The following FBXO34 variants were observed in gnomAD, a reference collection of about 807,000 sequenced individuals.
The protein encoded by FBXO34 is F-box protein 34.
FBXO34 carries 12 observed loss-of-function variants against 24.5 expected under a neutral mutation model. The ratio of observed to expected loss-of-function variants is 0.49; its 90% confidence interval spans 0.31 to 0.79. The LOEUF (loss-of-function observed/expected upper bound fraction) is 0.79, where lower values mean the gene tolerates loss of function less well. FBXO34 is among the 30% of genes least tolerant of loss of function. The probability of loss-of-function intolerance (pLI) is 0.04; values close to 1 mark genes in which losing one functional copy is unlikely to be tolerated. For missense variants in FBXO34, 823 were observed against 857.7 expected, an observed-to-expected ratio of 0.96 and a Z score of 0.51; for synonymous variants, 320 against 311.9, an observed-to-expected ratio of 1.03 and a Z score of -0.27.
At chr14:55,305,223 C>A (rs190354172) in intron 1 of FBXO34, among the ~76,000 whole-genome samples, 29 of 152,234 alleles carry the variant, frequency 1.9e-4, no homozygotes, top group African/African-American at 7.0e-4. Context: ...CCATCCTGGC[C>A]AACATGGGTG....
chr14:55,413,484 G>A, the FBXO34 span: 1 of 217,452 alleles, frequency 4.6e-6, no homozygotes, highest in African/African-American at 2.3e-5. Context: ...ATTTCTTTAA[G>A]GGGAGGGGGC....
At chr14:55,382,163 C>G in the FBXO34 span, 1 of 1,614,120 alleles carries the variant, frequency 6.2e-7, no homozygotes, top group Non-Finnish European at 8.5e-7. Context: ...ATGGCACTGT[C>G]ACTCTCTGAA....
chr14:55,285,782 C>G (rs190033142), intron 1 of FBXO34, among the ~76,000 whole-genome samples: 157 of 152,280 alleles, frequency 1.0e-3, no homozygotes, highest in African/African-American at 3.5e-3. Context: ...ACTTGTTGAA[C>G]TGAACACTTG....
intron 1 of FBXO34, chr14:55,339,402 A>G (rs1487419619): frequency 3.3e-5 from 4 of 120,996 alleles, no homozygotes; most frequent in Non-Finnish European, 6.6e-5. Flanking sequence ...TCCTGGATCT[A>G]TGCTAACCTG....
chr14:55,383,706 A>G, the FBXO34 span, among the ~76,000 whole-genome samples: 4 of 151,994 alleles, frequency 2.6e-5, no homozygotes, highest in African/African-American at 7.2e-5. Context: ...GAATGGTGCT[A>G]TAATCATACC....
the FBXO34 span, among the ~76,000 whole-genome samples, chr14:55,412,253 A>G: frequency 6.6e-6 from 1 of 152,182 alleles, no homozygotes; most frequent in Non-Finnish European, 1.5e-5. Flanking sequence ...AACTAGGTTG[A>G]ATTTTGGCTC....
intron 1 of FBXO34, among the ~76,000 whole-genome samples, chr14:55,316,520 A>T (rs1026804251): frequency 6.7e-6 from 1 of 149,832 alleles, no homozygotes. Context: ...TGAGCTCAGG[A>T]GTTTGAGACC....
intron 1 of FBXO34, among the ~76,000 whole-genome samples, chr14:55,336,800 C>T (rs1326650336): frequency 1.3e-5 from 2 of 149,964 alleles, no homozygotes; most frequent in East Asian, 3.9e-4. Flanking sequence ...TGCATACACA[C>T]ATTTTGAGAA....
At chr14:55,393,412 T>C in the FBXO34 span, among the ~76,000 whole-genome samples, 2 of 151,622 alleles carry the variant, frequency 1.3e-5, no homozygotes, top group Non-Finnish European at 2.9e-5. Flanking sequence ...AAAAGAAATA[T>C]ATGAATAATG....
intron 1 of FBXO34, among the ~76,000 whole-genome samples, chr14:55,324,370 A>G (rs575885169): frequency 2.0e-5 from 3 of 152,100 alleles, no homozygotes; most frequent in African/African-American, 4.8e-5. Flanking sequence ...ACCACCTTTT[A>G]TCTATTCTGA....
intron 1 of FBXO34, among the ~76,000 whole-genome samples, chr14:55,276,484 T>C (rs529240979): frequency 4.6e-4 from 70 of 152,294 alleles, no homozygotes; most frequent in Admixed American, 1.2e-3. Context: ...TTTGTTTACT[T>C]GTTTTGTTGT....
intron 1 of FBXO34, among the ~76,000 whole-genome samples, chr14:55,291,403 G>A (rs895842362): frequency 6.6e-6 from 1 of 152,196 alleles, no homozygotes; most frequent in Non-Finnish European, 1.5e-5. Context: ...AGCATATGCA[G>A]CATGTTTTCA....
chr14:55,359,970 G>A (rs7147136), intron 3 of FBXO34, among the ~76,000 whole-genome samples: 52 of 151,092 alleles, frequency 3.4e-4, no homozygotes, highest in African/African-American at 1.2e-3. Flanking sequence ...GTCCCAACTA[G>A]TTGAGGCGCT....
chr14:55,415,617 C>T, the FBXO34 span, among the ~76,000 whole-genome samples: 2 of 152,246 alleles, frequency 1.3e-5, no homozygotes, highest in East Asian at 3.9e-4. Flanking sequence ...GTAATCCCAG[C>T]ACTTTGGGAG....
downstream of FBXO34, among the ~76,000 whole-genome samples, chr14:55,371,318 G>A (rs936690144): frequency 2.6e-5 from 4 of 152,152 alleles, no homozygotes; most frequent in African/African-American, 9.7e-5. Context: ...CACCTCACCA[G>A]GTCTGCACCG....
the FBXO34 span, chr14:55,395,995 G>T: frequency 6.4e-7 from 1 of 1,569,792 alleles, no homozygotes; most frequent in African/African-American, 1.4e-5. Flanking sequence ...GTGAGGAAAA[G>T]AGACAGAAAA....
the FBXO34 span, among the ~76,000 whole-genome samples, chr14:55,437,648 C>G: frequency 6.6e-6 from 1 of 152,184 alleles, no homozygotes; most frequent in Non-Finnish European, 1.5e-5. Flanking sequence ...CAACCATGCT[C>G]TAAATTGTTG....
In FBXO34 at chr14:55,331,548, GAT is replaced by G. The variant is rs142305458; in HGVS notation, c.-10-18821_-10-18820del. Among the ~76,000 whole-genome samples, 14 of 115,616 alleles carry G rather than the reference GAT, an allele frequency of 1.2e-4. No individual in the cohort carries two copies. The East Asian group carries it at 1.7e-3, about 14-fold the overall frequency. The allele number at this position is 115,616 out of a possible 152,430, so 75.8% of individuals were successfully genotyped here. A position where few individuals can be genotyped will look rare whatever the true frequency, so the allele number is the denominator to read the frequency against. ...AGTTTGGAAAACTAAATTGAGGCGT[GAT>G]ATATATATATACACACACACACATA... is the stretch of plus-strand genomic sequence containing the variant. On this transcript the variant is annotated intron_variant, in intron 1 of 1. Coordinates refer to ENST00000313833, the MANE Select transcript of FBXO34 (RefSeq NM_017943.4).
chr14:55,283,499 C>G (rs1408511240), intron 1 of FBXO34, among the ~76,000 whole-genome samples: 5 of 146,352 alleles, frequency 3.4e-5, no homozygotes, highest in Admixed American at 1.4e-4. Flanking sequence ...CAGTCTCACT[C>G]TGTTGCCCAG....
Sources: gnomAD v4.1 joint callset for allele counts (sites outside exome capture counted in the v4.1 genomes callset) on GRCh38, gnomAD v4.1.1 for gene constraint, MANE v1.5 for transcripts, NCBI Gene and HGNC (gene_info 2026-07-23, HGNC 2026-07-21) for gene names.